Variants in CSMD2 observed in about 807,000 individuals in gnomAD.
The protein encoded by CSMD2 is CUB and sushi domain-containing protein 2.
Under a neutral mutation model 398.5 loss-of-function variants are expected in CSMD2, and 130 were observed. That is an observed-to-expected ratio of 0.33 (90% CI 0.28 to 0.38). The LOEUF (loss-of-function observed/expected upper bound fraction) is 0.38, where lower values mean the gene tolerates loss of function less well. Among genes scored for constraint, CSMD2 ranks in the 10% least tolerant of loss-of-function variants. The probability of loss-of-function intolerance (pLI) is 1.00; values close to 1 mark genes in which losing one functional copy is unlikely to be tolerated. For missense variants in CSMD2, 3,829 were observed against 4,764.9 expected (o/e 0.80, Z 5.78); for synonymous variants, 1,828 against 1,908.5 (o/e 0.96, Z 1.10).
intron 3 of CSMD2, among the ~76,000 whole-genome samples, chr1:33,997,202 TGG>T (rs1646754019): frequency 1.3e-5 from 2 of 152,276 alleles, no homozygotes; most frequent in African/African-American, 4.8e-5. Flanking sequence ...CTGGGCAGGC[TGG>T]GCCCAACAGG....
chr1:33,723,138 T>C (rs1376311826), intron 19 of CSMD2, among the ~76,000 whole-genome samples: 1 of 152,252 alleles, frequency 6.6e-6, no homozygotes, highest in African/African-American at 2.4e-5. Context: ...TCATACCACA[T>C]TGTTAACATT....
chr1:33,889,274 T>A (rs1475959914), intron 5 of CSMD2, among the ~76,000 whole-genome samples: 1 of 152,130 alleles, frequency 6.6e-6, no homozygotes, highest in South Asian at 2.1e-4. Context: ...GTAGAGAATA[T>A]GAACAGGCAA....
chr1:33,582,707 G>C (rs952026894), intron 47 of CSMD2, among the ~76,000 whole-genome samples: 1 of 152,206 alleles, frequency 6.6e-6, no homozygotes, highest in Non-Finnish European at 1.5e-5. Context: ...TAGCTACTCT[G>C]CCAGAGGAGT....
At chr1:34,101,728 C>A (rs1659962943) in intron 1 of CSMD2, among the ~76,000 whole-genome samples, 1 of 151,022 alleles carries the variant, frequency 6.6e-6, no homozygotes, top group Non-Finnish European at 1.5e-5. Flanking sequence ...TATTTTTTTC[C>A]CTCATTTCTT....
At position 33,515,333 on chromosome 1, in the gene CSMD2, GC is replaced by G. The variant is rs1653669388; in HGVS notation, c.*1290del. On this transcript the variant is annotated 3_prime_UTR_variant, in exon 71 of 71. Transcript: ENST00000373381. ...GGAGTTGAATCCTTGCCCCGAAGCTGCCTACGCGGAGACAGCAGAACCCAGA... is the reference window on the plus strand; with the variant it reads ...GGAGTTGAATCCTTGCCCCGAAGCTGCTACGCGGAGACAGCAGAACCCAGA... 1 of 152,270 alleles carries G rather than the reference GC, an allele frequency of 6.6e-6. No individual in the cohort carries two copies. The highest frequency in any genetic ancestry group is 1.5e-5 in the Non-Finnish European group (1 of 68,082). The allele number at this position is 152,270 out of a possible 1,614,324, so 9.4% of individuals were successfully genotyped here.
At chr1:34,148,776 C>T (rs903865015) in intron 1 of CSMD2, among the ~76,000 whole-genome samples, 2 of 152,168 alleles carry the variant, frequency 1.3e-5, no homozygotes, top group African/African-American at 2.4e-5. Flanking sequence ...TTGCTGGGGT[C>T]GGCCTTATTC....
In CSMD2 at chr1:33,528,573, G is replaced by A. The variant is rs1359424411; in HGVS notation, c.10172-1315C>T. The stretch of plus-strand genomic sequence containing the variant: ...GGTTTCATAAGATGAATGGAGCAAA[G>A]AAGGAGAAAGCATCTTATGTGCGAG... On this transcript the variant is annotated intron_variant, in intron 64 of 70. Transcript: ENST00000373381. Among the ~76,000 whole-genome samples, 4 of 152,360 alleles carry A rather than the reference G, an allele frequency of 2.6e-5. No homozygotes were observed. In the South Asian group the frequency reaches 8.3e-4, roughly 32 times the overall value.
chr1:33,958,172 C>T (rs779360137), intron 3 of CSMD2, among the ~76,000 whole-genome samples: 5 of 152,136 alleles, frequency 3.3e-5, no homozygotes, highest in Non-Finnish European at 5.9e-5. Flanking sequence ...TGTGTTTTTC[C>T]AAAGCACTGG....
At position 33,615,889 on chromosome 1, in the gene CSMD2, G is replaced by C. The variant is rs958700129; in HGVS notation, c.6016+1017C>G. Among the ~76,000 whole-genome samples the C allele has an allele frequency of 6.0e-4, 91 of 152,302 alleles. 1 individual carries two copies. Among genetic ancestry groups the C allele is most frequent in the African/African-American group, 2.2e-3 (90 of 41,574 alleles). On this transcript the variant is annotated intron_variant, in intron 39 of 70. Coordinates refer to ENST00000373381, the MANE Select transcript of CSMD2 (RefSeq NM_001281956.2). The stretch of plus-strand genomic sequence containing the variant: ...CCTGCCCCAAGGTCAGCCTTGAGGG[G>C]CACCTCACAATCGACTGGGCACCAG...
At chr1:33,832,153 C>T (rs535308677) in intron 6 of CSMD2, among the ~76,000 whole-genome samples, 1 of 127,554 alleles carries the variant, frequency 7.8e-6, no homozygotes, top group South Asian at 3.2e-4. Context: ...AGCTCTGCAC[C>T]AAGTGGACCT....
chr1:33,847,119 G>A, intron 5 of CSMD2, 123 bp from the exon 6 acceptor site: 2 of 605,798 alleles, frequency 3.3e-6, no homozygotes, highest in Non-Finnish European at 5.6e-6. Context: ...GGAGCAGGAA[G>A]GGAAGGCGGT....
intron 25 of CSMD2, among the ~76,000 whole-genome samples, chr1:33,669,811 G>T (rs998710151): frequency 6.6e-6 from 1 of 152,132 alleles, no homozygotes; most frequent in Non-Finnish European, 1.5e-5. Context: ...AGGGAGATTT[G>T]GATACAGAGA....
chr1:33,966,962 C>A (rs1196388030), intron 3 of CSMD2, among the ~76,000 whole-genome samples: 2 of 152,106 alleles, frequency 1.3e-5, no homozygotes, highest in South Asian at 2.1e-4. Context: ...GCTGAGCTGA[C>A]CTTTAAGTAC....
intron 29 of CSMD2, among the ~76,000 whole-genome samples, chr1:33,641,876 T>C (rs1210752218): frequency 6.6e-6 from 1 of 152,204 alleles, no homozygotes; most frequent in East Asian, 1.9e-4. Flanking sequence ...GTCTGGCATA[T>C]GGTAGCTGCT....
At chr1:33,869,191 T>C (rs1640266684) in intron 5 of CSMD2, 1 of 152,192 alleles carries the variant, frequency 6.6e-6, no homozygotes, top group African/African-American at 2.4e-5. Flanking sequence ...TTTGTGTTAC[T>C]CATCATTCTA....
intron 2 of CSMD2, among the ~76,000 whole-genome samples, chr1:34,069,637 C>A (rs1268697480): frequency 1.3e-5 from 2 of 152,252 alleles, no homozygotes; most frequent in South Asian, 2.1e-4. Flanking sequence ...TCTCTCCTGA[C>A]CCTCCAGTAA....
chr1:33,581,703 C>T (rs1638739926), intron 47 of CSMD2, among the ~76,000 whole-genome samples: 1 of 151,954 alleles, frequency 6.6e-6, no homozygotes, highest in African/African-American at 2.4e-5. Flanking sequence ...TTGAGAAAGA[C>T]CTCCCTCTTC....
intron 3 of CSMD2, among the ~76,000 whole-genome samples, chr1:34,009,819 C>T (rs879790374): frequency 6.6e-6 from 1 of 152,160 alleles, no homozygotes. Context: ...CTGCTGATTT[C>T]ACTCCTATGT....
intron 3 of CSMD2, among the ~76,000 whole-genome samples, chr1:33,996,316 G>A (rs1646725794): frequency 1.3e-5 from 2 of 152,222 alleles, no homozygotes; most frequent in Non-Finnish European, 2.9e-5. Flanking sequence ...AGTGTCAGAG[G>A]ATGATGACAA....
Sources: allele counts gnomAD v4.1 joint callset (sites outside exome capture counted in the v4.1 genomes callset), GRCh38; gene constraint gnomAD v4.1.1; transcripts MANE v1.5; gene names NCBI Gene and HGNC (gene_info 2026-07-23, HGNC 2026-07-21).